The following MYO10 variants were observed in gnomAD, a reference collection of about 807,000 sequenced individuals.
MYO10 encodes the protein unconventional myosin-X.
MYO10 carries 133 observed loss-of-function variants against 257.3 expected under a neutral mutation model. The ratio of observed to expected loss-of-function variants is 0.52; its 90% CI spans 0.45 to 0.60. The LOEUF (loss-of-function observed/expected upper bound fraction) is 0.60, where lower values mean the gene tolerates loss of function less well. Among genes scored for constraint, MYO10 ranks in the 20% least tolerant of loss-of-function variants. MYO10 has a pLI of 0.00. For missense variants in MYO10, 2,399 were observed against 2,635.7 expected (o/e 0.91, Z 1.97); for synonymous variants, 1,104 against 1,028.6 (o/e 1.07, Z -1.40).
chr5:16,679,524 G>GTTTTTTTTT lies in MYO10; in HGVS notation c.4542+414_4542+422dup, dbSNP rs33919452. On this transcript the variant is annotated intron_variant, in intron 33 of 40. Transcript: ENST00000513610. Reference sequence around the variant, plus strand: ...TTAACCAAGCGCTAGTTTTTTGGGTGTTTTTTTTTTTTTTTTTTGAGACGA... The same window carrying GTTTTTTTTT: ...TTAACCAAGCGCTAGTTTTTTGGGTGTTTTTTTTTTTTTTTTTTTTTTTTTTTGAGACGA... 4.6e-4 allele frequency among the ~76,000 whole-genome samples: 56 copies of GTTTTTTTTT among 122,640 alleles called. 2 individuals are homozygous for GTTTTTTTTT. The highest frequency in any genetic ancestry group is 1.0e-3 in the African/African-American group (32 of 31,078). 80.5% of individuals were successfully genotyped at this position (122,640 alleles called of 152,430 possible).
intron 2 of MYO10, among the ~76,000 whole-genome samples, chr5:16,867,741 G>C (rs2126752412): frequency 6.6e-6 from 1 of 152,314 alleles, no homozygotes; most frequent in East Asian, 1.9e-4. Context: ...GCTTGAAGAA[G>C]TCTGACTCTC....
intron 28 of MYO10, among the ~76,000 whole-genome samples, chr5:16,686,519 G>T: frequency 6.6e-6 from 1 of 151,856 alleles, no homozygotes; most frequent in African/African-American, 2.4e-5. Flanking sequence ...GTATCATATT[G>T]GAATGGCCAC....
At chr5:16,867,025 C>T (rs1187651644) in intron 2 of MYO10, among the ~76,000 whole-genome samples, 1 of 152,240 alleles carries the variant, frequency 6.6e-6, no homozygotes, top group African/African-American at 2.4e-5. Flanking sequence ...AAAGAGTTCA[C>T]AGTGAGCAGT....
At chr5:16,711,057 G>C in intron 20 of MYO10, 35 bp from the exon 21 acceptor site, 1 of 1,613,178 alleles carries the variant, frequency 6.2e-7, no homozygotes, top group Non-Finnish European at 8.5e-7. Flanking sequence ...CACCTTCTGC[G>C]ATGGTTCCCT....
In MYO10 at chr5:16,669,095, G is replaced by T. The variant is rs573642170; in HGVS notation, c.5884-627C>A. On this transcript the variant is annotated intron_variant, in intron 39 of 40. Transcript: ENST00000513610. ...CATATGAAGGGGCTAACAACACAGG[G>T]CTGATCCAAACCTGGACAAGCAGGA... Among the ~76,000 whole-genome samples, 86 of 152,230 alleles carry T rather than the reference G, an allele frequency of 5.6e-4. 1 individual carries two copies. The highest frequency in any genetic ancestry group is 1.9e-3 in the African/African-American group (80 of 41,542).
intron 19 of MYO10, among the ~76,000 whole-genome samples, chr5:16,750,845 A>T (rs1306599145): frequency 2.0e-5 from 3 of 152,054 alleles, no homozygotes; most frequent in Non-Finnish European, 4.4e-5. Flanking sequence ...AAAATACAAA[A>T]TTAGCAGGGC....
At chr5:16,857,082 T>TC (rs1033549784) in intron 2 of MYO10, among the ~76,000 whole-genome samples, 32 of 152,322 alleles carry the variant, frequency 2.1e-4, no homozygotes, top group African/African-American at 7.5e-4. Context: ...CACAATCAAC[T>TC]CGCTTTCTGA....
chr5:16,680,118 G>A lies in MYO10; in HGVS notation c.4385-14C>T. ...CGTTCCAGTAGCCTGCAATGGCAGG[G>A]GTGCCCAGCACACGCACGTCAACGC... On this transcript the variant is annotated splice_polypyrimidine_tract_variant and intron_variant, in intron 32 of 40. Transcript: ENST00000513610. The A allele has an allele frequency of 6.2e-7, 1 of 1,603,834 alleles. No individual in the cohort carries two copies. The highest frequency in any genetic ancestry group is 8.5e-7 in the Non-Finnish European group (1 of 1,172,242).
intron 2 of MYO10, among the ~76,000 whole-genome samples, chr5:16,822,194 G>A (rs1742840497): frequency 6.6e-6 from 1 of 152,010 alleles, no homozygotes; most frequent in Non-Finnish European, 1.5e-5. Context: ...TAGGTGATGG[G>A]ATGGCGTGTG....
intron 3 of MYO10, among the ~76,000 whole-genome samples, chr5:16,800,508 A>G (rs928118402): frequency 6.6e-6 from 1 of 152,234 alleles, no homozygotes; most frequent in African/African-American, 2.4e-5. Context: ...AGGGTACAGC[A>G]TGTGCTCGTG....
intron 2 of MYO10, among the ~76,000 whole-genome samples, chr5:16,821,046 CAT>C (rs1742785263): frequency 6.9e-6 from 1 of 145,650 alleles, no homozygotes; most frequent in East Asian, 2.0e-4. Flanking sequence ...TGTTTATATA[CAT>C]ATATGTATAA....
chr5:16,753,170 TTTTG>T (rs1237860045), intron 19 of MYO10, among the ~76,000 whole-genome samples: 7 of 152,258 alleles, frequency 4.6e-5, no homozygotes, highest in Admixed American at 3.3e-4. Flanking sequence ...TTGTTGTTGT[TTTTG>T]TTTGTTTGTT....
chr5:16,754,794 A>G (rs766585581), intron 19 of MYO10, 34 bp downstream of exon 19: 3 of 1,510,438 alleles, frequency 2.0e-6, no homozygotes, highest in Non-Finnish European at 2.7e-6. Flanking sequence ...GTCCCTCGAG[A>G]CAGATCCCAG....
intron 2 of MYO10, among the ~76,000 whole-genome samples, chr5:16,822,983 G>A (rs1333883740): frequency 1.3e-4 from 19 of 151,480 alleles, no homozygotes; most frequent in African/African-American, 4.6e-4. Flanking sequence ...CACCGCACCC[G>A]GCCTAATTTG....
intron 1 of MYO10, among the ~76,000 whole-genome samples, chr5:16,912,440 C>T (rs1012519053): frequency 1.3e-5 from 2 of 152,148 alleles, no homozygotes; most frequent in African/African-American, 4.8e-5. Flanking sequence ...TTACCTGAGG[C>T]CCCATATTTG....
chr5:16,771,434 A>C (rs965639003), intron 9 of MYO10, among the ~76,000 whole-genome samples: 2 of 151,772 alleles, frequency 1.3e-5, no homozygotes, highest in African/African-American at 4.8e-5. Flanking sequence ...TTCATATCTG[A>C]GAGAAAAACC....
intron 3 of MYO10, among the ~76,000 whole-genome samples, chr5:16,809,594 G>A (rs756079529): frequency 6.6e-6 from 1 of 152,224 alleles, no homozygotes; most frequent in Non-Finnish European, 1.5e-5. Flanking sequence ...CCTGACAGAT[G>A]CAGGCTTCAA....
chr5:16,783,598 C>T (rs1452348077), intron 4 of MYO10, 129 bp from the exon 5 acceptor site: 4 of 1,064,642 alleles, frequency 3.8e-6, no homozygotes, highest in Non-Finnish European at 5.4e-6. Flanking sequence ...GATCAAAATG[C>T]CTGTTTCCAA....
chr5:16,884,561 T>G (rs1213464216), intron 1 of MYO10, among the ~76,000 whole-genome samples: 2 of 152,032 alleles, frequency 1.3e-5, no homozygotes, highest in Non-Finnish European at 2.9e-5. Flanking sequence ...ATCTCTAATG[T>G]AGGGCCTAGG....
Sources: gnomAD v4.1 joint callset for allele counts (sites outside exome capture counted in the v4.1 genomes callset) on GRCh38, gnomAD v4.1.1 for gene constraint, MANE v1.5 for transcripts, NCBI Gene and HGNC (gene_info 2026-07-23, HGNC 2026-07-21) for gene names.